The following ST18 variants were observed in gnomAD, a reference collection of about 807,000 sequenced individuals.
ST18 encodes the protein ST18 C2H2C-type zinc finger transcription factor.
ST18 carries 50 observed loss-of-function variants against 110.0 expected under a neutral mutation model. The ratio of observed to expected loss-of-function variants is 0.45; its 90% CI spans 0.36 to 0.58. The LOEUF (loss-of-function observed/expected upper bound fraction) is 0.58. Among genes scored for constraint, ST18 ranks in the 20% least tolerant of loss-of-function variants. The pLI, the probability that ST18 is intolerant of heterozygous loss-of-function variation, is 0.00. For missense variants in ST18, 1,306 were observed against 1,280.1 expected (o/e 1.02, Z -0.31); for synonymous variants, 461 against 452.4 (o/e 1.02, Z -0.24).
intron 2 of ST18, among the ~76,000 whole-genome samples, chr8:52,302,695 A>G (rs1049867177): frequency 6.6e-6 from 1 of 152,242 alleles, no homozygotes; most frequent in Admixed American, 6.5e-5. Flanking sequence ...CCAGCTTGAC[A>G]GAGTTCTCCT....
At chr8:52,304,609 T>C (rs894543777) in intron 2 of ST18, among the ~76,000 whole-genome samples, 16 of 152,268 alleles carry the variant, frequency 1.1e-4, no homozygotes, top group Non-Finnish European at 2.2e-4. Context: ...AACAATGATT[T>C]CCATATTGTT....
rs750054351 is a variant in ST18, at chr8:52,172,577, A to G, written c.284T>C (p.Ile95Thr). Reference sequence around the variant, plus strand: ...ACTTTCATCCATAGGTTTTATCATGATTTCCTCTATGGAAAAAGAAAACCA... The same window carrying G: ...ACTTTCATCCATAGGTTTTATCATGGTTTCCTCTATGGAAAAAGAAAACCA... ...ETHGHSTAEE[I>T]MIKPMDESLL... Residue 95 changes from isoleucine (I) to threonine (T), a missense_variant, in exon 10 of 26, where the codon ATC becomes ACC. Physicochemically the swap from Ile to Thr is moderately conservative, Grantham distance 89 (BLOSUM62 -1). Transcript: ENST00000689386. 4.7e-5 allele frequency: 73 copies of G among 1,560,200 alleles called. No homozygotes were observed. Among genetic ancestry groups the G allele is most frequent in the Non-Finnish European group, 5.8e-5 (67 of 1,158,950 alleles).
At chr8:52,336,839 C>G (rs1812321818) in intron 2 of ST18, among the ~76,000 whole-genome samples, 1 of 152,222 alleles carries the variant, frequency 6.6e-6, no homozygotes, top group Non-Finnish European at 1.5e-5. Context: ...TTCTGACACT[C>G]CAGCGTGGTG....
intron 2 of ST18, among the ~76,000 whole-genome samples, chr8:52,309,784 C>T (rs1206645806): frequency 3.3e-5 from 5 of 151,932 alleles, no homozygotes; most frequent in African/African-American, 1.2e-4. Flanking sequence ...ACCTGCAGCC[C>T]AGACCACCAT....
At chr8:52,225,858 G>GT (rs2089186734) in intron 3 of ST18, among the ~76,000 whole-genome samples, 1 of 152,136 alleles carries the variant, frequency 6.6e-6, no homozygotes, top group African/African-American at 2.4e-5. Flanking sequence ...AGTCTGTATT[G>GT]TTACCTTTAA....
chr8:52,323,913 GT>G (rs1805118803), intron 2 of ST18, among the ~76,000 whole-genome samples: 1 of 152,220 alleles, frequency 6.6e-6, no homozygotes, highest in South Asian at 2.1e-4. Context: ...GCAGCCAGTT[GT>G]CTAAGGTTTT....
At chr8:52,146,970 C>A (rs148740962) in intron 16 of ST18, among the ~76,000 whole-genome samples, 2,184 of 152,300 alleles carry the variant, frequency 0.014, 13 homozygotes, top group Non-Finnish European at 0.023. Flanking sequence ...CAGCTCAAAC[C>A]TAGGGCAAGC....
chr8:52,269,681 C>T (rs62499807), intron 2 of ST18, among the ~76,000 whole-genome samples: 31,193 of 152,048 alleles, frequency 0.21, 3,808 homozygotes, highest in Middle Eastern at 0.38. Context: ...CTTTTCTCTG[C>T]ACTGCCAATT....
chr8:52,352,535 C>T (rs1377982699), intron 2 of ST18, among the ~76,000 whole-genome samples: 4 of 152,128 alleles, frequency 2.6e-5, no homozygotes, highest in African/African-American at 9.7e-5. Flanking sequence ...AAGTGAAAGT[C>T]ACAATGGCAC....
chr8:52,332,057 G>A (rs979171036), intron 2 of ST18, among the ~76,000 whole-genome samples: 12 of 151,972 alleles, frequency 7.9e-5, no homozygotes, highest in Admixed American at 7.9e-4. Context: ...ATGTATGTGT[G>A]TATGTATATA....
At chr8:52,392,024 A>T (rs1464639786) in intron 2 of ST18, among the ~76,000 whole-genome samples, 2 of 152,178 alleles carry the variant, frequency 1.3e-5, no homozygotes, top group Admixed American at 6.5e-5. Context: ...TCCATCAATG[A>T]CTAGCTGTTT....
At chr8:52,163,734 C>T (rs1270122147) in intron 13 of ST18, among the ~76,000 whole-genome samples, 2 of 152,122 alleles carry the variant, frequency 1.3e-5, no homozygotes, top group Non-Finnish European at 2.9e-5. Context: ...CTTTTAGATT[C>T]ACCCCTATTA....
chr8:52,389,711 A>T (rs1363525007), intron 2 of ST18, among the ~76,000 whole-genome samples: 1 of 152,214 alleles, frequency 6.6e-6, no homozygotes, highest in Non-Finnish European at 1.5e-5. Flanking sequence ...ACTGCAGAAG[A>T]GAGGCCCAAC....
chr8:52,317,637 G>A (rs2096056099), intron 2 of ST18, among the ~76,000 whole-genome samples: 1 of 152,084 alleles, frequency 6.6e-6, no homozygotes, highest in South Asian at 2.1e-4. Context: ...CACTTTCTCT[G>A]GAATTATCTA....
chr8:52,237,460 T>C (rs1315193530), intron 2 of ST18, among the ~76,000 whole-genome samples: 1 of 152,258 alleles, frequency 6.6e-6, no homozygotes, highest in Non-Finnish European at 1.5e-5. Flanking sequence ...ATTATTTCCA[T>C]CTTTCAAGTG....
At chr8:52,310,864 G>A (rs2095893999) in intron 2 of ST18, among the ~76,000 whole-genome samples, 2 of 141,384 alleles carry the variant, frequency 1.4e-5, no homozygotes, top group Admixed American at 7.0e-5. Flanking sequence ...CTTTCACAAA[G>A]GCCCCAACTG....
chr8:52,243,096 A>G, intron 2 of ST18, among the ~76,000 whole-genome samples: 1 of 152,180 alleles, frequency 6.6e-6, no homozygotes, highest in South Asian at 2.1e-4. Flanking sequence ...ATCAGAGCTG[A>G]AGCTCCTGTG....
At chr8:52,140,584 GA>G (rs1277136433) in intron 17 of ST18, among the ~76,000 whole-genome samples, 1 of 150,720 alleles carries the variant, frequency 6.6e-6, no homozygotes, top group Non-Finnish European at 1.5e-5. Context: ...TAGATAGATA[GA>G]TAGATAGATA....
chr8:52,232,406 A>T (rs994841885), intron 2 of ST18, among the ~76,000 whole-genome samples: 6 of 152,238 alleles, frequency 3.9e-5, no homozygotes, highest in African/African-American at 1.4e-4. Context: ...CAAATAAAAT[A>T]TGGGAATGAA....
Sources: allele counts gnomAD v4.1 joint callset (sites outside exome capture counted in the v4.1 genomes callset), GRCh38; gene constraint gnomAD v4.1.1; transcripts MANE v1.5; gene names NCBI Gene and HGNC (gene_info 2026-07-23, HGNC 2026-07-21).